Variants in CHRM5 observed in about 807,000 individuals in gnomAD.
The protein encoded by CHRM5 is muscarinic acetylcholine receptor M5.
In CHRM5, 18 loss-of-function variants were observed where a neutral mutation model predicts 39.0. The observed-to-expected ratio is 0.46, with a 90% confidence interval of 0.32 to 0.68. The LOEUF (loss-of-function observed/expected upper bound fraction) is 0.68. Ranked by LOEUF, CHRM5 falls within the 30% of genes least tolerant of loss-of-function variation. The pLI, the probability that CHRM5 is intolerant of heterozygous loss-of-function variation, is 0.04. For synonymous variants in CHRM5, 241 were observed against 246.3 expected (o/e 0.98, Z 0.20); for missense variants, 515 against 651.1 (o/e 0.79, Z 2.28).
At chr15:33,994,288 GT>G (rs1896848378) in intron 1 of CHRM5, among the ~76,000 whole-genome samples, 1 of 152,212 alleles carries the variant, frequency 6.6e-6, no homozygotes, top group African/African-American at 2.4e-5. Context: ...AGGGATCCAG[GT>G]TGCACGCTCC....
intron 2 of CHRM5, among the ~76,000 whole-genome samples, chr15:34,051,282 A>G (rs115585531): frequency 0.02 from 2,481 of 123,522 alleles, 85 homozygotes; most frequent in African/African-American, 0.07. Flanking sequence ...GAAATCAAGA[A>G]GTTCTTTGAA....
intron 1 of CHRM5, among the ~76,000 whole-genome samples, chr15:34,039,624 G>T (rs1421396002): frequency 1.3e-5 from 2 of 152,184 alleles, no homozygotes; most frequent in African/African-American, 4.8e-5. Context: ...TGTGTCTGGT[G>T]AGAGGTGGAC....
chr15:34,015,687 TAG>T (rs1375312711), intron 1 of CHRM5, among the ~76,000 whole-genome samples: 1 of 152,042 alleles, frequency 6.6e-6, no homozygotes, highest in Non-Finnish European at 1.5e-5. Flanking sequence ...AAAAAGTGGG[TAG>T]AGAGACTCTA....
At chr15:33,977,875 C>T (rs529976775) in intron 1 of CHRM5, among the ~76,000 whole-genome samples, 3 of 151,502 alleles carry the variant, frequency 2.0e-5, no homozygotes, top group Non-Finnish European at 2.9e-5. Context: ...AGGTCAAAGC[C>T]GCAGCAAGCT....
In CHRM5 at chr15:34,064,529, G is replaced by T; in HGVS notation, c.*213G>T. The stretch of plus-strand genomic sequence containing the variant: ...TAAATGACTCTTGCCTATGACCAAG[G>T]CCATTTGATGCCAGGGGAGTTTGCC... On this transcript the variant is annotated 3_prime_UTR_variant, in exon 3 of 3. Transcript: ENST00000383263. The T allele has an allele frequency of 1.7e-6, 1 of 604,936 alleles. No homozygotes were observed. Among genetic ancestry groups the T allele is most frequent in the East Asian group, 2.9e-5 (1 of 34,240 alleles). 37.5% of individuals were successfully genotyped at this position (604,936 alleles called of 1,614,324 possible).
At chr15:34,001,840 A>G (rs1443544958) in intron 1 of CHRM5, among the ~76,000 whole-genome samples, 1 of 152,248 alleles carries the variant, frequency 6.6e-6, no homozygotes, top group Admixed American at 6.5e-5. Context: ...GCATTCAAAA[A>G]TACAGGCAGA....
intron 1 of CHRM5, among the ~76,000 whole-genome samples, chr15:33,980,566 G>C (rs1896092508): frequency 6.6e-6 from 1 of 152,114 alleles, no homozygotes; most frequent in Admixed American, 6.6e-5. Flanking sequence ...TGGGAGATCA[G>C]GCAAAAGGCA....
At chr15:34,032,094 A>G (rs183312434) in intron 1 of CHRM5, among the ~76,000 whole-genome samples, 16 of 152,308 alleles carry the variant, frequency 1.1e-4, no homozygotes, top group Non-Finnish European at 1.6e-4. Flanking sequence ...CAGTGCCGTA[A>G]TAAGTTAGTC....
At chr15:34,013,637 G>A (rs972511408) in intron 1 of CHRM5, among the ~76,000 whole-genome samples, 14 of 152,330 alleles carry the variant, frequency 9.2e-5, no homozygotes, top group African/African-American at 3.4e-4. Flanking sequence ...AGAACTCACA[G>A]TGCTGTGGGA....
intron 1 of CHRM5, among the ~76,000 whole-genome samples, chr15:34,013,666 T>G (rs575048275): frequency 6.6e-6 from 1 of 152,222 alleles, no homozygotes; most frequent in African/African-American, 2.4e-5. Flanking sequence ...GAAGTAAACA[T>G]ATATAGTGTG....
At chr15:34,014,149 G>A (rs1266866584) in intron 1 of CHRM5, among the ~76,000 whole-genome samples, 3 of 152,062 alleles carry the variant, frequency 2.0e-5, no homozygotes, top group African/African-American at 7.2e-5. Context: ...GATCACCTGA[G>A]GTCAGGAATT....
Position 34,064,413 on chromosome 15 carries a change from C to T in CHRM5, c.*97C>T. 1 of 1,392,616 alleles carries T rather than the reference C, an allele frequency of 7.2e-7. No individual in the cohort carries two copies. Among genetic ancestry groups the T allele is most frequent in the Middle Eastern group, 2.6e-4 (1 of 3,896 alleles). 86.3% of individuals were successfully genotyped at this position (1,392,616 alleles called of 1,614,324 possible). ...GGTTTGTATATTTTCAAAAAGAAGA[C>T]ATCTCATTTTGAGTCCTTGAAGATT... On this transcript the variant is annotated 3_prime_UTR_variant, in exon 3 of 3. Coordinates refer to ENST00000383263, the MANE Select transcript of CHRM5 (RefSeq NM_012125.4).
At chr15:34,019,632 T>A (rs1195003937) in intron 1 of CHRM5, among the ~76,000 whole-genome samples, 2 of 152,192 alleles carry the variant, frequency 1.3e-5, no homozygotes, top group Admixed American at 6.5e-5. Flanking sequence ...CTATACACAG[T>A]AATTTTACTG....
chr15:33,974,260 C>T (rs1260029547), intron 1 of CHRM5, among the ~76,000 whole-genome samples: 2 of 152,158 alleles, frequency 1.3e-5, no homozygotes, highest in Non-Finnish European at 2.9e-5. Context: ...CTACAGTCAT[C>T]TTTCTATTCA....
intron 1 of CHRM5, among the ~76,000 whole-genome samples, chr15:33,982,229 T>G (rs572881738): frequency 3.3e-5 from 5 of 152,132 alleles, no homozygotes; most frequent in African/African-American, 1.2e-4. Context: ...TAGAGCTGCA[T>G]CTGCAGCTCT....
At position 34,030,900 on chromosome 15, in the gene CHRM5, G is replaced by A. The variant is rs181791955; in HGVS notation, c.-407-15640G>A. On this transcript the variant is annotated intron_variant, in intron 1 of 2. Transcript: ENST00000383263. ...CCCAAAGTGCTGGGATTACAGGTAT[G>A]AGCCACTACACCTGGCCTAAATATT... 3.2e-3 allele frequency among the ~76,000 whole-genome samples: 490 copies of A among 152,128 alleles called. 3 individuals are homozygous for A. The highest frequency in any genetic ancestry group is 5.1e-3 in the Non-Finnish European group (344 of 68,000).
chr15:34,016,272 A>C (rs1052581275), intron 1 of CHRM5, among the ~76,000 whole-genome samples: 5 of 152,188 alleles, frequency 3.3e-5, no homozygotes, highest in African/African-American at 9.6e-5. Context: ...AAAGCAACTT[A>C]TCTCTCCTAG....
At chr15:34,010,363 T>A (rs1024585919) in intron 1 of CHRM5, among the ~76,000 whole-genome samples, 36 of 152,184 alleles carry the variant, frequency 2.4e-4, no homozygotes, top group Non-Finnish European at 3.5e-4. Flanking sequence ...AGAGAATACT[T>A]ACAGATTATC....
chr15:33,995,560 C>T (rs1342778305), intron 1 of CHRM5, among the ~76,000 whole-genome samples: 1 of 152,074 alleles, frequency 6.6e-6, no homozygotes, highest in Non-Finnish European at 1.5e-5. Context: ...TCCTTAAGTC[C>T]TCAAAAGCAA....
Sources: allele counts gnomAD v4.1 joint callset (sites outside exome capture counted in the v4.1 genomes callset), GRCh38; gene constraint gnomAD v4.1.1; transcripts MANE v1.5; gene names NCBI Gene and HGNC (gene_info 2026-07-23, HGNC 2026-07-21).